Variants in STAG3 observed in about 807,000 individuals in gnomAD.
The protein encoded by STAG3 is STAG3 cohesin complex component.
Under a neutral mutation model 160.7 loss-of-function variants are expected in STAG3, and 101 were observed. That is an observed-to-expected ratio of 0.63 (90% CI 0.54 to 0.74). The LOEUF is 0.74. STAG3 is among the 30% of genes least tolerant of loss of function. The probability of loss-of-function intolerance (pLI) is 0.00; values close to 1 mark genes in which losing one functional copy is unlikely to be tolerated. For missense variants in STAG3, 1,188 were observed against 1,517.4 expected, an observed-to-expected ratio of 0.78 and a Z score of 3.61; for synonymous variants, 519 against 585.0, an observed-to-expected ratio of 0.89 and a Z score of 1.63.
At chr7:100,182,949 C>T (rs1333746284) in intron 4 of STAG3, 110 bp downstream of exon 4, 2 of 1,246,018 alleles carry the variant, frequency 1.6e-6, no homozygotes, top group Non-Finnish European at 2.4e-6. Flanking sequence ...TGTAACATGT[C>T]AAGAAAGATA....
At chr7:100,200,112 C>G in intron 16 of STAG3, 124 bp from the exon 17 acceptor site, 1 of 597,032 alleles carries the variant, frequency 1.7e-6, no homozygotes, top group East Asian at 2.9e-5. Flanking sequence ...AAAGAAATCT[C>G]GTGGGAGCTA....
At chr7:100,201,512 GGT>G in intron 21 of STAG3, 161 bp downstream of exon 21, 3 of 658,214 alleles carry the variant, frequency 4.6e-6, no homozygotes, top group Non-Finnish European at 7.8e-6. Context: ...TCTCTTAGAA[GGT>G]GGACTCTACT....
At chr7:100,198,260 G>A (rs1476343566) in intron 12 of STAG3, 94 bp downstream of exon 12, 4 of 1,330,506 alleles carry the variant, frequency 3.0e-6, no homozygotes, top group Non-Finnish European at 4.3e-6. Flanking sequence ...TTCCATCTGT[G>A]CAGGTTGACT....
At chr7:100,182,340 CAG>C (rs1257584809) in intron 3 of STAG3, 148 bp downstream of exon 3, 1 of 543,438 alleles carries the variant, frequency 1.8e-6, no homozygotes, top group Non-Finnish European at 3.2e-6. Context: ...GCCTGGGCGA[CAG>C]AGCGAGACTC....
chr7:100,211,481 C>A lies in STAG3; in HGVS notation c.3460C>A (p.Gln1154Lys), dbSNP rs1802199378. The change falls in exon 31 of 34, where the codon CAA (glutamine) becomes AAA (lysine). Residue 1154 changes from glutamine to lysine, a missense_variant. Physicochemically the swap from Gln to Lys is moderately conservative, Grantham distance 53. This residue lies in a region of STAG3 where 647 missense variants were observed against 717.2 expected (regional missense o/e 0.90). Transcript: ENST00000615138. Reference protein sequence around the residue: ...GTERSRFLGPQYFQTPHNPSG... With the variant: ...GTERSRFLGPKYFQTPHNPSG... The stretch of plus-strand genomic sequence containing the variant: ...CGAGAGGTCAAGGTTCTTGGGTCCA[C>A]AATATTTCCAGACTCCACACAACCC... 1.9e-6 allele frequency: 3 copies of A among 1,613,770 alleles called. No homozygotes were observed. The highest frequency in any genetic ancestry group is 2.7e-5 in the African/African-American group (2 of 74,796).
At chr7:100,214,683 G>C (rs961152932), downstream of STAG3, among the ~76,000 whole-genome samples, 6 of 152,122 alleles carry the variant, frequency 3.9e-5, no homozygotes, top group African/African-American at 1.4e-4. Context: ...ATGTGAGCCA[G>C]GCCAGGCCAT....
chr7:100,193,118 G>T (rs932314742), intron 8 of STAG3, among the ~76,000 whole-genome samples: 2 of 152,166 alleles, frequency 1.3e-5, no homozygotes, highest in Non-Finnish European at 2.9e-5. Context: ...TCATTGAGCG[G>T]TAATATTTTG....
At chr7:100,179,288 A>C (rs1380556502) in intron 1 of STAG3, among the ~76,000 whole-genome samples, 2 of 132,580 alleles carry the variant, frequency 1.5e-5, no homozygotes, top group Non-Finnish European at 3.1e-5. Flanking sequence ...GGTGTGTCTC[A>C]TGTTGCCAAG....
At chr7:100,184,257 C>T (rs1269582391) in intron 4 of STAG3, among the ~76,000 whole-genome samples, 1 of 150,768 alleles carries the variant, frequency 6.6e-6, no homozygotes, top group Non-Finnish European at 1.5e-5. Context: ...CAGAGTGAGA[C>T]TCTGTCTCAA....
At chr7:100,188,774 T>C (rs747357480) in intron 6 of STAG3, 38 bp from the exon 7 acceptor site, 37 of 1,605,384 alleles carry the variant, frequency 2.3e-5, no homozygotes, top group Middle Eastern at 1.7e-4. Context: ...ATGGACCTGG[T>C]AATAACTTTC....
chr7:100,209,885 A>G (rs1802019382), intron 29 of STAG3, among the ~76,000 whole-genome samples: 1 of 152,170 alleles, frequency 6.6e-6, no homozygotes, highest in African/African-American at 2.4e-5. Context: ...GAAGGCAGAG[A>G]GTGAAGATAG....
At chr7:100,208,246 T>C (rs890060200) in intron 29 of STAG3, among the ~76,000 whole-genome samples, 5 of 152,220 alleles carry the variant, frequency 3.3e-5, no homozygotes, top group African/African-American at 4.8e-5. Context: ...CCTAAAATTA[T>C]GTCTTATACC....
chr7:100,206,547 C>A (rs1299562844), intron 29 of STAG3, among the ~76,000 whole-genome samples: 1 of 152,048 alleles, frequency 6.6e-6, no homozygotes, highest in African/African-American at 2.4e-5. Flanking sequence ...TCTCGACTCA[C>A]TGCAACCTCC....
At chr7:100,213,919 G>C (rs1461467338) in intron 33 of STAG3, 88 bp from the exon 34 acceptor site, 2 of 1,612,982 alleles carry the variant, frequency 1.2e-6, no homozygotes, top group Non-Finnish European at 1.7e-6. Context: ...GGCTGTCTCT[G>C]GGGCTTTGAG....
At chr7:100,182,625 T>G (rs1387606615) in intron 3 of STAG3, 98 bp from the exon 4 acceptor site, 15 of 1,299,024 alleles carry the variant, frequency 1.2e-5, no homozygotes, top group East Asian at 9.2e-5. Flanking sequence ...AATTGGCAGC[T>G]TAAGCCTACT....
intron 2 of STAG3, 137 bp from the exon 3 acceptor site, chr7:100,181,953 C>A (rs1033969552): frequency 6.4e-6 from 3 of 471,640 alleles, no homozygotes; most frequent in African/African-American, 4.0e-5. Context: ...ACAATAAGCT[C>A]ATTTTTTCTT....
intron 32 of STAG3, chr7:100,212,147 C>T (rs1332335169): frequency 8.9e-6 from 3 of 335,564 alleles, no homozygotes; most frequent in Non-Finnish European, 1.1e-5. Context: ...GCCTCCGAAC[C>T]CCCTAGGAAT....
chr7:100,186,144 A>T (rs1799986556), intron 4 of STAG3, 56 bp from the exon 5 acceptor site: 1 of 1,375,042 alleles, frequency 7.3e-7, no homozygotes, highest in African/African-American at 1.4e-5. Flanking sequence ...ATCATATAGG[A>T]TTTCTATTCT....
In STAG3 at chr7:100,200,977, C is replaced by G. The variant is rs1162902365; in HGVS notation, c.2061+8C>G. Reference sequence around the variant, plus strand: ...CTTGAAGAGCTGTTACAGGTAGGAGCTGGGGCTGGACAATGGGACACCCCA... The same window carrying G: ...CTTGAAGAGCTGTTACAGGTAGGAGGTGGGGCTGGACAATGGGACACCCCA... On this transcript the variant is annotated splice_region_variant and intron_variant, in intron 19 of 33. Transcript: ENST00000615138. 3 of 1,614,156 alleles carry G rather than the reference C, an allele frequency of 1.9e-6. No individual in the cohort carries two copies. Among genetic ancestry groups the G allele is most frequent in the Non-Finnish European group, 1.7e-6 (2 of 1,180,006 alleles).
Sources: allele counts gnomAD v4.1 joint callset (sites outside exome capture counted in the v4.1 genomes callset), GRCh38; gene constraint gnomAD v4.1.1; regional missense constraint gnomAD v4.1.1; transcripts MANE v1.5; gene names NCBI Gene and HGNC (gene_info 2026-07-23, HGNC 2026-07-21).